The following CHN1 variants were observed in gnomAD, a reference collection of about 807,000 sequenced individuals.
CHN1 encodes N-chimaerin.
CHN1 carries 37 observed loss-of-function variants against 59.5 expected under a neutral mutation model. The observed-to-expected ratio is 0.62, with a 90% CI of 0.48 to 0.82. The LOEUF (loss-of-function observed/expected upper bound fraction) is 0.82. Among genes scored for constraint, CHN1 ranks in the 40% least tolerant of loss-of-function variants. The pLI, the probability that CHN1 is intolerant of heterozygous loss-of-function variation, is 0.00. For missense variants in CHN1, 469 were observed against 571.0 expected (o/e 0.82, Z 1.82); for synonymous variants, 206 against 200.4 (o/e 1.03, Z -0.24).
chr2:174,930,826 G>A (rs984917341), intron 3 of CHN1, among the ~76,000 whole-genome samples: 19 of 151,478 alleles, frequency 1.3e-4, no homozygotes, highest in Admixed American at 7.2e-4. Context: ...GTGCAGTGGC[G>A]CGATCTCAGC....
chr2:174,813,063 T>A (rs2105385159), intron 8 of CHN1, among the ~76,000 whole-genome samples: 1 of 152,352 alleles, frequency 6.6e-6, no homozygotes, highest in African/African-American at 2.4e-5. Flanking sequence ...TATTGAGGGC[T>A]TACTAGTGCC....
intron 6 of CHN1, among the ~76,000 whole-genome samples, chr2:174,875,287 T>G (rs1209258030): frequency 6.6e-6 from 1 of 152,228 alleles, no homozygotes; most frequent in East Asian, 1.9e-4. Flanking sequence ...GAAAATGCCT[T>G]ATCTCATATG....
chr2:174,892,542 A>ACCCAGTCTGTTATATTAC (rs1558970063), intron 5 of CHN1, among the ~76,000 whole-genome samples: 1 of 152,198 alleles, frequency 6.6e-6, no homozygotes, highest in Non-Finnish European at 1.5e-5. Flanking sequence ...TCTATATATT[A>ACCCAGTCTGTTATATTAC]CCCAGTCTGC....
At chr2:174,974,894 TTAATACACACAC>T (rs779699297) in intron 1 of CHN1, among the ~76,000 whole-genome samples, 2,070 of 77,266 alleles carry the variant, frequency 0.027, 22 homozygotes, top group Non-Finnish European at 0.036. Flanking sequence ...TAAGAAATAA[TTAATACACACAC>T]ACACACACAC....
chr2:174,953,727 C>T (rs1283866005), intron 1 of CHN1, among the ~76,000 whole-genome samples: 1 of 152,056 alleles, frequency 6.6e-6, no homozygotes, highest in Non-Finnish European at 1.5e-5. Context: ...TAGGAATACA[C>T]ATAACCAAGG....
chr2:174,813,588 G>A (rs1463483272), intron 8 of CHN1, among the ~76,000 whole-genome samples: 2 of 152,090 alleles, frequency 1.3e-5, no homozygotes, highest in African/African-American at 4.8e-5. Context: ...ATTTTAGATG[G>A]GGTAGAGAGG....
At chr2:174,858,824 T>A (rs1310551673) in intron 6 of CHN1, among the ~76,000 whole-genome samples, 1 of 151,910 alleles carries the variant, frequency 6.6e-6, no homozygotes, top group Non-Finnish European at 1.5e-5. Flanking sequence ...CTGTACAAGG[T>A]CCACATGTGG....
At chr2:174,938,742 G>C (rs1310104157) in intron 3 of CHN1, among the ~76,000 whole-genome samples, 2 of 152,032 alleles carry the variant, frequency 1.3e-5, no homozygotes, top group African/African-American at 4.8e-5. Context: ...TAATATGTAA[G>C]GATAGTTTCA....
chr2:174,829,889 G>C (rs533677884), intron 7 of CHN1, among the ~76,000 whole-genome samples: 2 of 152,116 alleles, frequency 1.3e-5, no homozygotes, highest in African/African-American at 2.4e-5. Flanking sequence ...TTTATGTTTA[G>C]GGTAACTAGA....
intron 8 of CHN1, among the ~76,000 whole-genome samples, 165 bp downstream of exon 8, chr2:174,824,269 A>C (rs1327262043): frequency 1.3e-5 from 2 of 152,186 alleles, no homozygotes; most frequent in Non-Finnish European, 2.9e-5. Flanking sequence ...AGCAGATAAA[A>C]TATCAAATTT....
intron 1 of CHN1, among the ~76,000 whole-genome samples, chr2:174,988,954 G>A (rs1043889650): frequency 6.6e-6 from 1 of 152,112 alleles, no homozygotes; most frequent in Admixed American, 6.6e-5. Flanking sequence ...ATTATTAAAA[G>A]CTGCTGCATT....
chr2:174,899,374 G>C (rs1183798316), intron 5 of CHN1, among the ~76,000 whole-genome samples: 1 of 152,198 alleles, frequency 6.6e-6, no homozygotes, highest in African/African-American at 2.4e-5. Flanking sequence ...CTGTGTCTGT[G>C]ACTCAGTATA....
At chr2:174,835,012 G>A (rs1051287528) in intron 7 of CHN1, among the ~76,000 whole-genome samples, 12 of 152,164 alleles carry the variant, frequency 7.9e-5, no homozygotes, top group Non-Finnish European at 4.4e-5. Context: ...CTTAGGCTGA[G>A]GCAAAGTATG....
chr2:174,942,752 A>T (rs567326495), intron 3 of CHN1, among the ~76,000 whole-genome samples: 143 of 152,308 alleles, frequency 9.4e-4, no homozygotes, highest in African/African-American at 3.3e-3. Context: ...AATATTTTTT[A>T]AAAAGCAACT....
intron 6 of CHN1, among the ~76,000 whole-genome samples, chr2:174,853,763 G>C (rs1195826660): frequency 6.6e-6 from 1 of 152,164 alleles, no homozygotes; most frequent in Non-Finnish European, 1.5e-5. Flanking sequence ...ATACTATGCA[G>C]CCATTAAAAA....
At chr2:174,963,515 G>A (rs1345150975) in intron 1 of CHN1, among the ~76,000 whole-genome samples, 1 of 152,186 alleles carries the variant, frequency 6.6e-6, no homozygotes, top group East Asian at 1.9e-4. Context: ...AAAGAGGGCA[G>A]AAACAAGAAA....
chr2:174,965,207 T>A (rs1574221521), intron 1 of CHN1, among the ~76,000 whole-genome samples: 1 of 152,282 alleles, frequency 6.6e-6, no homozygotes, highest in Non-Finnish European at 1.5e-5. Flanking sequence ...TACATCTTCA[T>A]GTTCTCTCCA....
intron 1 of CHN1, among the ~76,000 whole-genome samples, chr2:174,954,924 A>G (rs1396572975): frequency 6.6e-6 from 1 of 152,060 alleles, no homozygotes; most frequent in Non-Finnish European, 1.5e-5. Context: ...TTGATCCAGT[A>G]ATTCCACTCC....
At chr2:174,943,781 TTC>T (rs1193993261) in intron 3 of CHN1, among the ~76,000 whole-genome samples, 1 of 152,104 alleles carries the variant, frequency 6.6e-6, no homozygotes, top group Non-Finnish European at 1.5e-5. Context: ...GTTTAATCCT[TTC>T]TGTGTTTCTC....
Sources: gnomAD v4.1 joint callset for allele counts (sites outside exome capture counted in the v4.1 genomes callset) on GRCh38, gnomAD v4.1.1 for gene constraint, MANE v1.5 for transcripts, NCBI Gene and HGNC (gene_info 2026-07-23, HGNC 2026-07-21) for gene names.